LGR6: variants seen among roughly 807,000 people sequenced by gnomAD.
LGR6 encodes leucine-rich repeat-containing G protein-coupled receptor 6.
Under a neutral mutation model 69.4 loss-of-function variants are expected in LGR6, and 45 were observed. The ratio of observed to expected loss-of-function variants is 0.65; its 90% CI spans 0.51 to 0.83. The LOEUF (loss-of-function observed/expected upper bound fraction) is 0.83, where lower values mean the gene tolerates loss of function less well. Among genes scored for constraint, LGR6 ranks in the 40% least tolerant of loss-of-function variants. The pLI, the probability that LGR6 is intolerant of heterozygous loss-of-function variation, is 0.00. For synonymous variants in LGR6, 538 were observed against 555.0 expected, an observed-to-expected ratio of 0.97 and a Z score of 0.43; for missense variants, 1,108 against 1,246.7, an observed-to-expected ratio of 0.89 and a Z score of 1.68.
At chr1:202,280,741 C>T (rs745697626) in intron 5 of LGR6, 40 bp from the exon 6 acceptor site, 131 of 1,597,876 alleles carry the variant, frequency 8.2e-5, no homozygotes, top group Admixed American at 5.7e-4. Flanking sequence ...GCCCCAGTGC[C>T]GTGGGCACCC....
intron 6 of LGR6, among the ~76,000 whole-genome samples, chr1:202,288,753 T>C (rs889977060): frequency 3.3e-5 from 5 of 152,222 alleles, no homozygotes; most frequent in Non-Finnish European, 7.3e-5. Context: ...GGATGGTCCC[T>C]TGGCCCTCCC....
intron 6 of LGR6, among the ~76,000 whole-genome samples, chr1:202,294,999 A>G (rs1221632351): frequency 6.6e-6 from 1 of 152,314 alleles, no homozygotes; most frequent in African/African-American, 2.4e-5. Flanking sequence ...AGCCAGATCA[A>G]TGCAATACTT....
At chr1:202,309,466 C>T (rs1186509218) in intron 15 of LGR6, among the ~76,000 whole-genome samples, 2 of 152,268 alleles carry the variant, frequency 1.3e-5, no homozygotes, top group Non-Finnish European at 2.9e-5. Flanking sequence ...CCCTAGCCCT[C>T]CTTGCACCCC....
At chr1:202,272,719 A>G (rs1404885890) in intron 4 of LGR6, among the ~76,000 whole-genome samples, 1 of 152,232 alleles carries the variant, frequency 6.6e-6, no homozygotes, top group Non-Finnish European at 1.5e-5. Flanking sequence ...TGGACTAACC[A>G]GGACTGTAGG....
rs752198334 is a variant in LGR6 at position 202,227,994 on chromosome 1, A to G, written c.343A>G (p.Ser115Gly). The change falls in exon 3 of 18, where the codon AGC (serine) becomes GGC (glycine). Residue 115 changes from serine (S) to glycine (G), a missense_variant. Physicochemically the swap from Ser to Gly is moderately conservative, Grantham distance 56. Transcript: ENST00000367278. Reference protein sequence around the residue: ...IPGQAFSGLYSLKILMLQNNQ... With the variant: ...IPGQAFSGLYGLKILMLQNNQ... ...AGGACAAGCATTCTCTGGTCTCTAC[A>G]GCCTGAAAATCCTGTAAGTATAGGT... is the stretch of plus-strand genomic sequence containing the variant. 80 of 1,612,116 alleles carry G rather than the reference A, an allele frequency of 5.0e-5. No homozygotes were observed. The highest frequency in any genetic ancestry group is 6.7e-5 in the Non-Finnish European group (79 of 1,178,308).
At position 202,268,450 on chromosome 1, in the gene LGR6, T is replaced by C. The variant is rs893817079; in HGVS notation, c.429-7856T>C. The stretch of plus-strand genomic sequence containing the variant: ...CCCCACAGAATAACCATTTCCATAG[T>C]GGCTGCTTTTTTTTTTTTTAACTTT... On this transcript the variant is annotated intron_variant, in intron 4 of 17. Coordinates refer to ENST00000367278, the MANE Select transcript of LGR6 (RefSeq NM_001017403.2). This position sits in a 1 kb window ranked among gnomAD's most constrained non-coding sequence, Gnocchi z 4.4. 5.3e-5 allele frequency among the ~76,000 whole-genome samples: 8 copies of C among 151,560 alleles called. No individual in the cohort carries two copies. The highest frequency in any genetic ancestry group is 1.9e-4 in the African/African-American group (8 of 41,266).
chr1:202,298,606 C>G (rs1322241133), intron 7 of LGR6: 1 of 151,836 alleles, frequency 6.6e-6, no homozygotes, highest in Non-Finnish European at 1.5e-5. Context: ...ACTGCAACCT[C>G]CACCTCACAG....
chr1:202,291,401 G>T (rs1314497194), intron 6 of LGR6, among the ~76,000 whole-genome samples: 1 of 152,178 alleles, frequency 6.6e-6, no homozygotes, highest in African/African-American at 2.4e-5. Context: ...ACTGAGCCTG[G>T]TCTGCATGTT....
chr1:202,310,100 G>C, intron 15 of LGR6, 97 bp from the exon 16 acceptor site: 1 of 1,253,118 alleles, frequency 8.0e-7, no homozygotes. Flanking sequence ...CAGACACTGA[G>C]TGCCCAGCCC....
chr1:202,314,753 G>T, intron 16 of LGR6, 49 bp from the exon 17 acceptor site: 1 of 1,366,942 alleles, frequency 7.3e-7, no homozygotes, highest in South Asian at 1.2e-5. Context: ...GGTAGGGCTT[G>T]ACTGACACCA....
chr1:202,204,724 C>T (rs1011695009), intron 1 of LGR6, among the ~76,000 whole-genome samples: 2 of 93,802 alleles, frequency 2.1e-5, no homozygotes, highest in Non-Finnish European at 4.7e-5. Context: ...ACACACACCT[C>T]CTTCAAACAC....
At chr1:202,255,977 A>G (rs1170740545) in intron 4 of LGR6, among the ~76,000 whole-genome samples, 1 of 152,254 alleles carries the variant, frequency 6.6e-6, no homozygotes, top group Non-Finnish European at 1.5e-5. Context: ...AACTATCACC[A>G]ATAAGTCTAG....
intron 17 of LGR6, among the ~76,000 whole-genome samples, chr1:202,316,561 T>C (rs1654159929): frequency 6.6e-6 from 1 of 152,174 alleles, no homozygotes; most frequent in South Asian, 2.1e-4. Flanking sequence ...ATAACAACAG[T>C]AAAATCTTAA....
intron 4 of LGR6, among the ~76,000 whole-genome samples, chr1:202,240,363 G>T (rs1379132622): frequency 2.8e-5 from 4 of 142,370 alleles, no homozygotes; most frequent in Non-Finnish European, 6.1e-5. Context: ...AACAGAGCAA[G>T]ACTCCATCTC....
chr1:202,272,165 C>T (rs1014599549), intron 4 of LGR6, among the ~76,000 whole-genome samples: 2 of 152,196 alleles, frequency 1.3e-5, no homozygotes, highest in African/African-American at 2.4e-5. Flanking sequence ...TTTAACTGGG[C>T]ATTGTCCCAA....
At chr1:202,252,967 C>T (rs189507783) in intron 4 of LGR6, among the ~76,000 whole-genome samples, 3 of 152,332 alleles carry the variant, frequency 2.0e-5, no homozygotes, top group East Asian at 1.9e-4. Flanking sequence ...AGGGCTTCAA[C>T]GCACCCAGCA....
chr1:202,244,375 A>G (rs1219215196), intron 4 of LGR6, among the ~76,000 whole-genome samples: 1 of 152,220 alleles, frequency 6.6e-6, no homozygotes, highest in Non-Finnish European at 1.5e-5. Context: ...TTAACAAAAC[A>G]TCAAAAACTG....
At chr1:202,195,046 G>C (rs957938646) in intron 1 of LGR6, among the ~76,000 whole-genome samples, 2 of 152,188 alleles carry the variant, frequency 1.3e-5, no homozygotes, top group Non-Finnish European at 2.9e-5. Flanking sequence ...GGCAGGAGGA[G>C]GGTGAGAGAG....
intron 4 of LGR6, among the ~76,000 whole-genome samples, chr1:202,259,720 CT>C (rs1664066983): frequency 6.6e-6 from 1 of 152,040 alleles, no homozygotes; most frequent in African/African-American, 2.4e-5. Context: ...CTCCCTCTCT[CT>C]TTTAGGTACT....
Sources: allele counts gnomAD v4.1 joint callset (sites outside exome capture counted in the v4.1 genomes callset), GRCh38; gene constraint gnomAD v4.1.1; non-coding constraint Gnocchi (gnomAD v3.1); transcripts MANE v1.5; gene names NCBI Gene and HGNC (gene_info 2026-07-23, HGNC 2026-07-21).